Variants in NSMAF observed in about 807,000 individuals in gnomAD.
NSMAF encodes protein FAN.
In NSMAF, 90 loss-of-function variants were observed where a neutral mutation model predicts 134.9. The ratio of observed to expected loss-of-function variants is 0.67; its 90% CI spans 0.56 to 0.79. NSMAF has a LOEUF of 0.79. Ranked by LOEUF, NSMAF falls within the 30% of genes least tolerant of loss-of-function variation. The pLI is 0.00. For synonymous variants in NSMAF, 358 were observed against 389.6 expected (o/e 0.92, Z 0.96); for missense variants, 1,010 against 1,119.0 (o/e 0.90, Z 1.39).
At chr8:58,642,166 G>GT (rs1227155374) in intron 2 of NSMAF, among the ~76,000 whole-genome samples, 1 of 152,034 alleles carries the variant, frequency 6.6e-6, no homozygotes, top group Non-Finnish European at 1.5e-5. Context: ...AATACCACAT[G>GT]TTTTTGATCC....
In NSMAF at chr8:58,586,495, G is replaced by A; in HGVS notation, c.2409C>T (p.Cys803=). 2 of 1,614,040 alleles carry A rather than the reference G, an allele frequency of 1.2e-6. No individual in the cohort carries two copies. Among genetic ancestry groups the A allele is most frequent in the Non-Finnish European group, 1.7e-6 (2 of 1,179,968 alleles). Residue 803 remains cysteine, a synonymous_variant, in exon 28 of 31, where the codon TGC becomes TGT. Coordinates refer to ENST00000038176, the MANE Select transcript of NSMAF (RefSeq NM_003580.4). ...TTATLMHQIP[C]HSGIVCDTAF... is the part of the protein sequence containing the mutation. The stretch of plus-strand genomic sequence containing the variant: ...CAGTGTCACATACAATCCCTGAATG[G>A]CATGGAATCTGGTGCATTAAGGTGG...
intron 21 of NSMAF, 160 bp from the exon 22 acceptor site, chr8:58,595,819 T>G: frequency 1.8e-6 from 1 of 556,008 alleles, no homozygotes; most frequent in Non-Finnish European, 3.2e-6. Context: ...GGTTCCACGT[T>G]AGTCAAGGAA....
intron 26 of NSMAF, among the ~76,000 whole-genome samples, 161 bp from the exon 27 acceptor site, chr8:58,587,862 T>G (rs1246782219): frequency 6.6e-6 from 1 of 152,242 alleles, no homozygotes; most frequent in African/African-American, 2.4e-5. Context: ...TGCCTGCACT[T>G]TCTCCCACCA....
Position 58,590,993 on chromosome 8 carries a change from A to G in NSMAF, c.1952-59T>C, listed in dbSNP as rs978740944. On this transcript the variant is annotated intron_variant, in intron 23 of 30. Coordinates refer to ENST00000038176, the MANE Select transcript of NSMAF (RefSeq NM_003580.4). The stretch of plus-strand genomic sequence containing the variant: ...AGATTTCCTAACCATTACAGACGTC[A>G]AAGAACAGCTGCTCTTCTTGTTCCT... 4.6e-6 allele frequency: 7 copies of G among 1,510,140 alleles called. No individual in the cohort carries two copies. The African/African-American group carries it at 9.7e-5, about 21-fold the overall frequency. 93.5% of individuals were successfully genotyped at this position (1,510,140 alleles called of 1,614,324 possible). A position where few individuals can be genotyped will look rare whatever the true frequency, so the allele number is the denominator to read the frequency against.
At chr8:58,640,065 G>A (rs1282349263) in intron 2 of NSMAF, 2 of 455,208 alleles carry the variant, frequency 4.4e-6, no homozygotes, top group Non-Finnish European at 8.8e-6. Flanking sequence ...GGAGATGCTG[G>A]GCAAAGTGCA....
intron 2 of NSMAF, chr8:58,639,983 G>C: frequency 2.4e-6 from 1 of 411,316 alleles, no homozygotes; most frequent in Non-Finnish European, 4.9e-6. Flanking sequence ...TTTTTTAGGT[G>C]GGAAAGCTCA....
intron 9 of NSMAF, among the ~76,000 whole-genome samples, chr8:58,612,157 TG>T (rs1381467411): frequency 6.6e-6 from 1 of 152,236 alleles, no homozygotes; most frequent in Admixed American, 6.5e-5. Flanking sequence ...TATGGGATCC[TG>T]GATGGGTGCT....
chr8:58,645,997 C>T (rs374692850), intron 1 of NSMAF, among the ~76,000 whole-genome samples: 26 of 152,244 alleles, frequency 1.7e-4, no homozygotes, highest in African/African-American at 4.8e-4. Flanking sequence ...GCCAAGATCG[C>T]GCCACTGCAC....
intron 9 of NSMAF, among the ~76,000 whole-genome samples, chr8:58,621,859 C>A (rs568354441): frequency 1.3e-5 from 2 of 152,172 alleles, no homozygotes; most frequent in South Asian, 4.1e-4. Flanking sequence ...CTTCTAGATT[C>A]TGGATATTAG....
intron 10 of NSMAF, among the ~76,000 whole-genome samples, chr8:58,608,487 A>G (rs1353555696): frequency 6.6e-6 from 1 of 152,196 alleles, no homozygotes; most frequent in Non-Finnish European, 1.5e-5. Flanking sequence ...ATGGGTGTGC[A>G]GAGGTCAGTC....
Position 58,601,265 on chromosome 8 carries a change from G to A in NSMAF, c.1280+20C>T. On this transcript the variant is annotated intron_variant, in intron 16 of 30. Transcript: ENST00000038176. Reference sequence around the variant, plus strand: ...AATCAGAAAGTGTTAAAAATGATAAGCAAGGCATTTGTATCAAACCTGTTG... The same window carrying A: ...AATCAGAAAGTGTTAAAAATGATAAACAAGGCATTTGTATCAAACCTGTTG... 1.3e-6 allele frequency: 2 copies of A among 1,595,198 alleles called. No homozygotes were observed. Among genetic ancestry groups the A allele is most frequent in the Non-Finnish European group, 1.7e-6 (2 of 1,162,798 alleles).
At chr8:58,631,087 G>C (rs1807047562) in intron 6 of NSMAF, among the ~76,000 whole-genome samples, 1 of 152,158 alleles carries the variant, frequency 6.6e-6, no homozygotes, top group Non-Finnish European at 1.5e-5. Flanking sequence ...ACCTAATTAA[G>C]AGTACTTACA....
intron 2 of NSMAF, among the ~76,000 whole-genome samples, chr8:58,640,314 C>A (rs1807304947): frequency 6.6e-6 from 1 of 152,056 alleles, no homozygotes; most frequent in Non-Finnish European, 1.5e-5. Context: ...TAAATATATA[C>A]AATTTTTATT....
At chr8:58,620,663 T>C (rs758639787) in intron 9 of NSMAF, among the ~76,000 whole-genome samples, 16 of 152,176 alleles carry the variant, frequency 1.1e-4, no homozygotes, top group Non-Finnish European at 1.5e-4. Flanking sequence ...AAGACAGGCA[T>C]TTAAATTAAC....
intron 9 of NSMAF, among the ~76,000 whole-genome samples, chr8:58,614,490 G>C (rs747151350): frequency 3.9e-5 from 6 of 152,160 alleles, no homozygotes; most frequent in Admixed American, 1.3e-4. Flanking sequence ...CTGTGCCTAG[G>C]CAAACCTAGA....
chr8:58,602,226 A>G, intron 13 of NSMAF, 89 bp from the exon 14 acceptor site: 1 of 1,038,746 alleles, frequency 9.6e-7, no homozygotes, highest in Non-Finnish European at 1.4e-6. Context: ...TTACTTCCAC[A>G]AAAGTTTTTT....
chr8:58,590,671 A>C (rs1483250678), intron 24 of NSMAF, among the ~76,000 whole-genome samples, 196 bp downstream of exon 24: 4 of 152,232 alleles, frequency 2.6e-5, no homozygotes, highest in African/African-American at 9.6e-5. Context: ...AAATGAAATC[A>C]CAACAGTAAG....
chr8:58,640,671 G>T (rs141143369), intron 2 of NSMAF, among the ~76,000 whole-genome samples: 1 of 151,744 alleles, frequency 6.6e-6, no homozygotes, highest in Non-Finnish European at 1.5e-5. Flanking sequence ...AATTTTCTGT[G>T]GCTAACTCCA....
At chr8:58,619,586 A>C (rs1310137050) in intron 9 of NSMAF, among the ~76,000 whole-genome samples, 3 of 152,342 alleles carry the variant, frequency 2.0e-5, no homozygotes, top group African/African-American at 7.2e-5. Flanking sequence ...CATAGAGTTT[A>C]ATAGGGTTGC....
Sources: allele counts gnomAD v4.1 joint callset (sites outside exome capture counted in the v4.1 genomes callset), GRCh38; gene constraint gnomAD v4.1.1; transcripts MANE v1.5; gene names NCBI Gene and HGNC (gene_info 2026-07-23, HGNC 2026-07-21).